RIN3: variants seen among roughly 807,000 people sequenced by gnomAD.
The protein encoded by RIN3 is Ras and Rab interactor 3.
RIN3 carries 54 observed loss-of-function variants against 76.3 expected under a neutral mutation model. That is an observed-to-expected ratio of 0.71 (90% confidence interval 0.57 to 0.89). The LOEUF is 0.89. Among genes scored for constraint, RIN3 ranks in the 40% least tolerant of loss-of-function variants. The pLI, the probability that RIN3 is intolerant of heterozygous loss-of-function variation, is 0.00. For synonymous variants in RIN3, 576 were observed against 564.0 expected (o/e 1.02, Z -0.30); for missense variants, 1,256 against 1,322.1 (o/e 0.95, Z 0.78).
At position 92,666,020 on chromosome 14, in the gene RIN3, C is replaced by T. The variant is rs530576519; in HGVS notation, c.2335+6551C>T. 5.3e-5 allele frequency among the ~76,000 whole-genome samples: 8 copies of T among 152,276 alleles called. No homozygotes were observed. The East Asian group carries it at 5.8e-4, about 11-fold the overall frequency. The stretch of plus-strand genomic sequence containing the variant: ...GAGTGACCCCACAGAGAGGCAGACT[C>T]CAGCCCGAGTCCCGCCTACCTCCAC... On this transcript the variant is annotated intron_variant, in intron 7 of 9. Transcript: ENST00000216487.
rs1373117032 is a variant in RIN3, at chr14:92,542,845, T to C, written c.45-12906T>C. Among the ~76,000 whole-genome samples, 8 of 152,270 alleles carry C rather than the reference T, an allele frequency of 5.3e-5. No homozygotes were observed. In the East Asian group the frequency reaches 1.5e-3, roughly 29 times the overall value. ...TGAAAGCCAGACACAAAGGACCACA[T>C]AGTGTATGCCTCTGTTTGTAGGAAA... On this transcript the variant is annotated intron_variant, in intron 1 of 9. Coordinates refer to ENST00000216487, the MANE Select transcript of RIN3 (RefSeq NM_024832.5).
chr14:92,545,057 T>C (rs1238126887), intron 1 of RIN3, among the ~76,000 whole-genome samples: 2 of 151,824 alleles, frequency 1.3e-5, no homozygotes, highest in African/African-American at 4.8e-5. Flanking sequence ...GGGTTGATTT[T>C]TTTGTTTGTT....
chr14:92,682,893 T>C (rs1888716637), intron 8 of RIN3, among the ~76,000 whole-genome samples: 1 of 152,128 alleles, frequency 6.6e-6, no homozygotes, highest in Non-Finnish European at 1.5e-5. Flanking sequence ...TGGCCAGGCA[T>C]GGTGGCTCAC....
At chr14:92,671,356 A>T (rs915322836) in intron 7 of RIN3, among the ~76,000 whole-genome samples, 1 of 151,990 alleles carries the variant, frequency 6.6e-6, no homozygotes, top group Non-Finnish European at 1.5e-5. Flanking sequence ...AGGCCTGGAG[A>T]GGGGAGAGTG....
chr14:92,625,213 C>T (rs61975788), intron 4 of RIN3, among the ~76,000 whole-genome samples: 13,578 of 152,190 alleles, frequency 0.089, 863 homozygotes, highest in East Asian at 0.27. Flanking sequence ...AGGGGCAGTT[C>T]GGATCCTGAG....
chr14:92,679,664 C>T (rs1249596161), intron 8 of RIN3, among the ~76,000 whole-genome samples: 2 of 152,108 alleles, frequency 1.3e-5, no homozygotes, highest in Non-Finnish European at 2.9e-5. Context: ...TGCAGAGGTA[C>T]CTGATCACCT....
At chr14:92,663,123 AT>A (rs1258694762) in intron 7 of RIN3, among the ~76,000 whole-genome samples, 3 of 152,144 alleles carry the variant, frequency 2.0e-5, no homozygotes, top group Non-Finnish European at 2.9e-5. Context: ...ACTTTTGTAA[AT>A]TGACAGATAA....
chr14:92,611,663 C>A (rs1490193083), intron 3 of RIN3, among the ~76,000 whole-genome samples: 2 of 152,170 alleles, frequency 1.3e-5, no homozygotes, highest in African/African-American at 4.8e-5. Context: ...CAAATAAGGT[C>A]ATATTCACGT....
At chr14:92,676,400 C>T in intron 7 of RIN3, 75 bp from the exon 8 acceptor site, 2 of 1,550,926 alleles carry the variant, frequency 1.3e-6, no homozygotes, top group Non-Finnish European at 1.8e-6. Context: ...AAACCACTGT[C>T]CCCTACCCTG....
chr14:92,666,606 G>A (rs1888114599), intron 7 of RIN3, among the ~76,000 whole-genome samples: 1 of 152,144 alleles, frequency 6.6e-6, no homozygotes, highest in Non-Finnish European at 1.5e-5. Flanking sequence ...ACTTCATGAG[G>A]CTTGGTGAGA....
chr14:92,630,356 G>A (rs552930782), intron 4 of RIN3, among the ~76,000 whole-genome samples: 6 of 152,130 alleles, frequency 3.9e-5, no homozygotes, highest in Non-Finnish European at 5.9e-5. Context: ...GCCGGGTGTC[G>A]TGGCACATGC....
chr14:92,598,591 TCA>T (rs1885234324), intron 3 of RIN3, among the ~76,000 whole-genome samples: 1 of 152,218 alleles, frequency 6.6e-6, no homozygotes, highest in African/African-American at 2.4e-5. Flanking sequence ...TTAATTAAGA[TCA>T]CACATTAATT....
intron 5 of RIN3, among the ~76,000 whole-genome samples, chr14:92,645,951 C>CAAAAAA (rs35439699): frequency 7.2e-6 from 1 of 139,578 alleles, no homozygotes; most frequent in Non-Finnish European, 1.6e-5. Context: ...GACTCTCTCT[C>CAAAAAA]AAAAAAAAAA....
intron 2 of RIN3, among the ~76,000 whole-genome samples, chr14:92,562,308 G>A (rs1045508863): frequency 3.3e-5 from 5 of 152,196 alleles, no homozygotes; most frequent in African/African-American, 1.2e-4. Context: ...TGCTGGGGTT[G>A]TGTTCTTAGG....
At chr14:92,540,554 T>G (rs908393846) in intron 1 of RIN3, among the ~76,000 whole-genome samples, 1 of 152,236 alleles carries the variant, frequency 6.6e-6, no homozygotes, top group Non-Finnish European at 1.5e-5. Context: ...CTGAAACTGC[T>G]ACTTCTCTTC....
At chr14:92,668,517 G>A (rs1212082651) in intron 7 of RIN3, among the ~76,000 whole-genome samples, 1 of 152,028 alleles carries the variant, frequency 6.6e-6, no homozygotes, top group African/African-American at 2.4e-5. Flanking sequence ...GCAGAACTGA[G>A]ACTTAACCAG....
At chr14:92,527,986 C>T (rs1198205371) in intron 1 of RIN3, among the ~76,000 whole-genome samples, 1 of 151,040 alleles carries the variant, frequency 6.6e-6, no homozygotes, top group African/African-American at 2.4e-5. Flanking sequence ...ATAGTGGAGC[C>T]ACGCGGGCAG....
intron 6 of RIN3, among the ~76,000 whole-genome samples, chr14:92,654,014 T>C (rs2140144854): frequency 6.6e-6 from 1 of 151,556 alleles, no homozygotes; most frequent in South Asian, 2.1e-4. Flanking sequence ...CGAAACCCTG[T>C]CTCAAAAAGA....
chr14:92,517,314 A>T (rs1896468895), intron 1 of RIN3, among the ~76,000 whole-genome samples: 1 of 152,214 alleles, frequency 6.6e-6, no homozygotes, highest in African/African-American at 2.4e-5. Flanking sequence ...CTGTTATCAG[A>T]TAACAGGGGT....
Sources: gnomAD v4.1 joint callset for allele counts (sites outside exome capture counted in the v4.1 genomes callset) on GRCh38, gnomAD v4.1.1 for gene constraint, MANE v1.5 for transcripts, NCBI Gene and HGNC (gene_info 2026-07-23, HGNC 2026-07-21) for gene names.